The following PLXND1 variants were observed in gnomAD, a reference collection of about 807,000 sequenced individuals.
The protein encoded by PLXND1 is plexin-D1.
PLXND1 carries 54 observed loss-of-function variants against 197.7 expected under a neutral mutation model. The observed-to-expected ratio is 0.27, with a 90% CI of 0.22 to 0.34. The LOEUF (loss-of-function observed/expected upper bound fraction) is 0.34. Among genes scored for constraint, PLXND1 ranks in the 10% least tolerant of loss-of-function variants. The pLI, the probability that PLXND1 is intolerant of heterozygous loss-of-function variation, is 1.00. For missense variants in PLXND1, 2,127 were observed against 2,699.2 expected, an observed-to-expected ratio of 0.79 and a Z score of 4.70; for synonymous variants, 1,180 against 1,161.2, an observed-to-expected ratio of 1.02 and a Z score of -0.33.
In PLXND1 at chr3:129,605,866, GT is replaced by G; in HGVS notation, c.773del (p.Asn258ThrfsTer23). ...DLAKLFTFDL[N>X]PSDDNILKIK... The stretch of plus-strand genomic sequence containing the variant: ...TCTTGAGGATGTTGTCGTCGGAGGG[GT>G]TGAGGTCGAAGGTGAAGAGCTTGGC... On this transcript the variant is annotated frameshift_variant, in exon 1 of 36. Transcript: ENST00000324093. LOFTEE classifies it high-confidence loss of function. The G allele has an allele frequency of 6.2e-7, 1 of 1,613,664 alleles. No homozygotes were observed. Among genetic ancestry groups the G allele is most frequent in the Non-Finnish European group, 8.5e-7 (1 of 1,179,904 alleles).
At position 129,587,263 on chromosome 3, in the gene PLXND1, G is replaced by A. The variant is rs371620477; in HGVS notation, c.1489-544C>T. Reference sequence around the variant, plus strand: ...CGAAGAGGAATCTGAGGCTGGGAGCGGCCGAGGGAGTTGGCAAGAGGCACA... The same window carrying A: ...CGAAGAGGAATCTGAGGCTGGGAGCAGCCGAGGGAGTTGGCAAGAGGCACA... On this transcript the variant is annotated intron_variant, in intron 2 of 35. Coordinates refer to ENST00000324093, the MANE Select transcript of PLXND1 (RefSeq NM_015103.3). Among the ~76,000 whole-genome samples, 49 of 152,280 alleles carry A rather than the reference G, an allele frequency of 3.2e-4. No homozygotes were observed. The East Asian group carries it at 7.7e-3, about 24-fold the overall frequency.
Position 129,567,775 on chromosome 3 carries a change from C to T in PLXND1, c.3896G>A (p.Arg1299His), listed in dbSNP as rs775710332. 5.6e-6 allele frequency: 9 copies of T among 1,613,130 alleles called. No individual in the cohort carries two copies. The highest frequency in any genetic ancestry group is 7.6e-6 in the Non-Finnish European group (9 of 1,179,248). The stretch of plus-strand genomic sequence containing the variant: ...CGTCTTCTGCCAGTAACGCTCAGCA[C>T]GTCGGCTCTTGGTACAGAAGACGAA... ...ALFVFCTKSRRAERYWQKTLL... is the reference protein window; with the variant it reads ...ALFVFCTKSRHAERYWQKTLL... The change falls in exon 21 of 36, where the codon CGT (arginine) becomes CAT (histidine). Residue 1299 changes from arginine (R) to histidine (H), a missense_variant. Transcript: ENST00000324093.
At chr3:129,562,442 C>T (rs906553414) in intron 27 of PLXND1, 13 of 246,264 alleles carry the variant, frequency 5.3e-5, no homozygotes, top group African/African-American at 2.2e-4. Context: ...CCCAGGAGGT[C>T]GAGGCTGCAG....
chr3:129,599,570 G>A (rs1388074359), intron 1 of PLXND1, among the ~76,000 whole-genome samples: 2 of 152,190 alleles, frequency 1.3e-5, no homozygotes, highest in African/African-American at 4.8e-5. Flanking sequence ...TCTCTCATTT[G>A]CACACCCAAA....
At chr3:129,578,600 A>T in intron 8 of PLXND1, 167 bp from the exon 9 acceptor site, 2 of 589,680 alleles carry the variant, frequency 3.4e-6, no homozygotes. Flanking sequence ...CCCACTCGCC[A>T]CCACCCTCCA....
chr3:129,590,023 C>T (rs1056369399), intron 1 of PLXND1, among the ~76,000 whole-genome samples: 2 of 152,172 alleles, frequency 1.3e-5, no homozygotes, highest in African/African-American at 4.8e-5. Flanking sequence ...CCACAGCAAC[C>T]ATGGGCTTTC....
intron 23 of PLXND1, 22 bp downstream of exon 23, chr3:129,566,505 G>A: frequency 7.0e-7 from 1 of 1,437,346 alleles, no homozygotes; most frequent in Non-Finnish European, 9.8e-7. Context: ...AGCCCACTGT[G>A]TGTGGGTCGT....
chr3:129,593,012 C>T (rs555407718), intron 1 of PLXND1, among the ~76,000 whole-genome samples: 3 of 152,188 alleles, frequency 2.0e-5, no homozygotes, highest in African/African-American at 4.8e-5. Flanking sequence ...ACCCCAGCAC[C>T]GTCCTCCTTA....
chr3:129,570,399 T>A (rs1386204195), intron 19 of PLXND1, among the ~76,000 whole-genome samples: 1 of 151,606 alleles, frequency 6.6e-6, no homozygotes, highest in Non-Finnish European at 1.5e-5. Flanking sequence ...CACACGCTGC[T>A]TGGGAGAGAG....
chr3:129,584,680 A>G, intron 5 of PLXND1, 118 bp from the exon 6 acceptor site: 1 of 943,290 alleles, frequency 1.1e-6, no homozygotes. Flanking sequence ...GGGAAGGGGT[A>G]GTGGTGGCCA....
At chr3:129,567,942 C>T (rs894047957) in intron 20 of PLXND1, 137 bp from the exon 21 acceptor site, 2 of 473,220 alleles carry the variant, frequency 4.2e-6, no homozygotes, top group Admixed American at 3.8e-5. Context: ...CCCTCCTGGG[C>T]AGGGTTGGGG....
rs575218052 is a variant in PLXND1, at chr3:129,565,714, C to T, written c.4322+173G>A. Reference sequence around the variant, plus strand: ...CTGGAGAAACAGCCACCTTCTTCTACGTCCACAGCAACCATCGTGCCCCGT... The same window carrying T: ...CTGGAGAAACAGCCACCTTCTTCTATGTCCACAGCAACCATCGTGCCCCGT... On this transcript the variant is annotated intron_variant, in intron 24 of 35. Coordinates refer to ENST00000324093, the MANE Select transcript of PLXND1 (RefSeq NM_015103.3). Among the ~76,000 whole-genome samples, 7 of 152,270 alleles carry T rather than the reference C, an allele frequency of 4.6e-5. No individual in the cohort carries two copies. The South Asian group carries it at 8.3e-4, about 18-fold the overall frequency.
At chr3:129,576,207 T>C (rs1420462127) in intron 9 of PLXND1, among the ~76,000 whole-genome samples, 1 of 152,172 alleles carries the variant, frequency 6.6e-6, no homozygotes, top group Non-Finnish European at 1.5e-5. Flanking sequence ...CCACCTCCCA[T>C]CCTGCCCTAC....
chr3:129,568,582 T>G (rs1291316801), intron 20 of PLXND1, among the ~76,000 whole-genome samples: 1 of 152,192 alleles, frequency 6.6e-6, no homozygotes, highest in Middle Eastern at 3.2e-3. Context: ...ACAGTCTTAC[T>G]CTGGCACCCA....
intron 9 of PLXND1, among the ~76,000 whole-genome samples, chr3:129,576,698 C>T (rs544318547): frequency 5.9e-5 from 9 of 152,312 alleles, no homozygotes; most frequent in South Asian, 4.1e-4. Context: ...TTGACCCCTT[C>T]TCTGAGGCTT....
chr3:129,578,463 A>AC, intron 8 of PLXND1, 30 bp from the exon 9 acceptor site: 1 of 1,376,996 alleles, frequency 7.3e-7, no homozygotes, highest in Non-Finnish European at 1.0e-6. Flanking sequence ...AGAGGGTGAC[A>AC]CAGGGGCATT....
rs780108033 is a variant in PLXND1 at position 129,569,867 on chromosome 3, C to T, written c.3841G>A (p.Val1281Ile). Reference protein sequence around the residue: ...AIIVSIVICSVLLLLSVVALF... With the variant: ...AIIVSIVICSILLLLSVVALF... ...CCCACCACGGAGAGCAGCAGCAGGACGCTGCAGATGACGATGGACACGATG... is the reference window on the plus strand; with the variant it reads ...CCCACCACGGAGAGCAGCAGCAGGATGCTGCAGATGACGATGGACACGATG... The change falls in exon 20 of 36, where the codon GTC (valine) becomes ATC (isoleucine). Residue 1281 changes from valine to isoleucine, a missense_variant. Physicochemically the swap from Val to Ile is conservative, Grantham distance 29 (BLOSUM62 3). Coordinates refer to ENST00000324093, the MANE Select transcript of PLXND1 (RefSeq NM_015103.3). 33 of 1,602,672 alleles carry T rather than the reference C, an allele frequency of 2.1e-5. No individual in the cohort carries two copies. The highest frequency in any genetic ancestry group is 1.7e-4 in the Middle Eastern group (1 of 6,040).
chr3:129,572,632 G>T lies in PLXND1; in HGVS notation c.3054C>A (p.Asp1018Glu). 6.3e-7 allele frequency: 1 copy of T among 1,588,174 alleles called. No individual in the cohort carries two copies. The highest frequency in any genetic ancestry group is 1.2e-5 in the South Asian group (1 of 85,820). Residue 1018 changes from aspartate (D) to glutamate (E), a missense_variant, in exon 15 of 36, where the codon GAC becomes GAA. Asp to Glu is a conservative substitution (Grantham distance 45). Transcript: ENST00000324093. ...ACATCAGCTCCGTGCAGGGGTCTGTGTCGTTCACCAGGACCTGGAGCTCGG... is the reference window on the plus strand; with the variant it reads ...ACATCAGCTCCGTGCAGGGGTCTGTTTCGTTCACCAGGACCTGGAGCTCGG... ...VGSELQVLVN[D>E]TDPCTELMRT...
intron 1 of PLXND1, among the ~76,000 whole-genome samples, chr3:129,596,891 T>C (rs926769859): frequency 1.1e-4 from 17 of 152,108 alleles, no homozygotes; most frequent in Non-Finnish European, 5.9e-5. Context: ...ATCTCCGGGC[T>C]GGATTCCATG....
Sources: allele counts gnomAD v4.1 joint callset (sites outside exome capture counted in the v4.1 genomes callset), GRCh38; gene constraint gnomAD v4.1.1; transcripts MANE v1.5; gene names NCBI Gene and HGNC (gene_info 2026-07-23, HGNC 2026-07-21).